CACNA2D3: variants seen among roughly 807,000 people sequenced by gnomAD.
The protein encoded by CACNA2D3 is calcium voltage-gated channel auxiliary subunit alpha2delta 3.
In CACNA2D3, 60 loss-of-function variants were observed where a neutral mutation model predicts 160.6. That is an observed-to-expected ratio of 0.37 (90% CI 0.30 to 0.46). CACNA2D3 has a LOEUF of 0.46. Ranked by LOEUF, CACNA2D3 falls within the 20% of genes least tolerant of loss-of-function variation. The probability of loss-of-function intolerance (pLI) is 1.00; values close to 1 mark genes in which losing one functional copy is unlikely to be tolerated. For missense variants in CACNA2D3, 1,205 were observed against 1,365.0 expected, an observed-to-expected ratio of 0.88 and a Z score of 1.85; for synonymous variants, 558 against 492.9, an observed-to-expected ratio of 1.13 and a Z score of -1.75.
intron 16 of CACNA2D3, among the ~76,000 whole-genome samples, chr3:54,844,005 A>G (rs143171359): frequency 5.3e-4 from 80 of 152,246 alleles, no homozygotes; most frequent in African/African-American, 1.8e-3. Context: ...GAAGGGGGAG[A>G]CTGAGGCCAG....
At chr3:54,339,200 G>A (rs1374320918) in intron 3 of CACNA2D3, among the ~76,000 whole-genome samples, 2 of 152,156 alleles carry the variant, frequency 1.3e-5, no homozygotes, top group Admixed American at 1.3e-4. Flanking sequence ...CAAGCTCTGT[G>A]AATGTGCCAA....
chr3:54,594,759 A>C (rs1015577391), intron 9 of CACNA2D3, among the ~76,000 whole-genome samples: 11 of 152,210 alleles, frequency 7.2e-5, no homozygotes, highest in Non-Finnish European at 1.3e-4. Context: ...TTCTTATTGG[A>C]TTCTCATGAT....
chr3:54,986,811 G>A (rs549395694), intron 30 of CACNA2D3, among the ~76,000 whole-genome samples: 2 of 132,572 alleles, frequency 1.5e-5, no homozygotes, highest in South Asian at 4.8e-4. Context: ...GTCAACACTG[G>A]CTCATTTCAG....
intron 35 of CACNA2D3, among the ~76,000 whole-genome samples, chr3:55,040,810 A>G (rs1349933813): frequency 6.6e-6 from 1 of 152,198 alleles, no homozygotes. Context: ...GTTATACAAA[A>G]TGTGCATGCA....
intron 10 of CACNA2D3, among the ~76,000 whole-genome samples, chr3:54,641,894 T>C (rs1699529174): frequency 6.6e-6 from 1 of 152,182 alleles, no homozygotes; most frequent in Non-Finnish European, 1.5e-5. Flanking sequence ...AACAGTAAGG[T>C]CTGTTCGGTT....
chr3:54,601,188 A>G (rs182103692), intron 9 of CACNA2D3, among the ~76,000 whole-genome samples: 1 of 152,122 alleles, frequency 6.6e-6, no homozygotes, highest in Non-Finnish European at 1.5e-5. Context: ...AAGAATCTTA[A>G]AGACAACATT....
chr3:54,332,943 G>A (rs761776228), intron 3 of CACNA2D3, among the ~76,000 whole-genome samples: 8 of 152,138 alleles, frequency 5.3e-5, no homozygotes, highest in Non-Finnish European at 1.2e-4. Context: ...TTGAAATCGG[G>A]AGTCCTGGCC....
intron 13 of CACNA2D3, among the ~76,000 whole-genome samples, chr3:54,792,560 T>G (rs1420734150): frequency 6.6e-6 from 1 of 152,094 alleles, no homozygotes; most frequent in African/African-American, 2.4e-5. Flanking sequence ...ATCTCTTGGC[T>G]CTGTTTTCCT....
intron 29 of CACNA2D3, among the ~76,000 whole-genome samples, chr3:54,979,273 G>A (rs1485140791): frequency 2.6e-5 from 4 of 152,114 alleles, no homozygotes; most frequent in African/African-American, 9.7e-5. Flanking sequence ...TTTTCAAGGG[G>A]CTCTTCTTGG....
chr3:54,449,454 T>C (rs1406544199), intron 4 of CACNA2D3, among the ~76,000 whole-genome samples: 1 of 152,252 alleles, frequency 6.6e-6, no homozygotes. Flanking sequence ...TGGTTTTCTT[T>C]ATATTAATTA....
chr3:54,638,376 T>A (rs1699425728), intron 10 of CACNA2D3: 1 of 152,000 alleles, frequency 6.6e-6, no homozygotes, highest in Non-Finnish European at 1.5e-5. Flanking sequence ...TCCAGCCACC[T>A]TTTTAAGAAT....
chr3:54,549,908 G>A (rs1702128976), intron 5 of CACNA2D3, among the ~76,000 whole-genome samples: 1 of 152,176 alleles, frequency 6.6e-6, no homozygotes, highest in Non-Finnish European at 1.5e-5. Context: ...AGGAAGGAAT[G>A]TTTAAATTTC....
At chr3:54,247,883 TACCATGCCTG>T (rs1702111852) in intron 2 of CACNA2D3, among the ~76,000 whole-genome samples, 1 of 151,832 alleles carries the variant, frequency 6.6e-6, no homozygotes, top group Non-Finnish European at 1.5e-5. Flanking sequence ...CCATGCCTAG[TACCATGCCTG>T]GTGCATAGTG....
chr3:54,341,298 C>T (rs1248498709), intron 3 of CACNA2D3, among the ~76,000 whole-genome samples: 1 of 152,216 alleles, frequency 6.6e-6, no homozygotes, highest in Non-Finnish European at 1.5e-5. Context: ...CTACCAGTGG[C>T]TGATCAGTCA....
chr3:54,383,819 T>C (rs1699144771), intron 3 of CACNA2D3, among the ~76,000 whole-genome samples: 1 of 152,242 alleles, frequency 6.6e-6, no homozygotes, highest in Non-Finnish European at 1.5e-5. Context: ...CTGCTCTTAG[T>C]AGTTAATACA....
chr3:54,670,081 C>G (rs1318860951), intron 11 of CACNA2D3, among the ~76,000 whole-genome samples: 2 of 152,172 alleles, frequency 1.3e-5, no homozygotes, highest in East Asian at 1.9e-4. Context: ...TGCTCTCCCC[C>G]ACAGGAAGCT....
chr3:54,708,523 T>G (rs1178832205), intron 11 of CACNA2D3, among the ~76,000 whole-genome samples: 2 of 152,202 alleles, frequency 1.3e-5, no homozygotes, highest in Non-Finnish European at 2.9e-5. Flanking sequence ...ATTGGTTGTT[T>G]ATAATAGGTA....
At chr3:54,867,287 C>T (rs1165107969) in intron 17 of CACNA2D3, among the ~76,000 whole-genome samples, 4 of 151,680 alleles carry the variant, frequency 2.6e-5, no homozygotes, top group Admixed American at 6.6e-5. Context: ...GGGTGAGGGG[C>T]GAGGGGGAGT....
intron 2 of CACNA2D3, among the ~76,000 whole-genome samples, chr3:54,257,415 C>T (rs1702317351): frequency 6.6e-6 from 1 of 152,184 alleles, no homozygotes; most frequent in African/African-American, 2.4e-5. Context: ...TTGGTTGCTG[C>T]ATGTAGCGTG....
Sources: allele counts gnomAD v4.1 joint callset (sites outside exome capture counted in the v4.1 genomes callset), GRCh38; gene constraint gnomAD v4.1.1; transcripts MANE v1.5; gene names NCBI Gene and HGNC (gene_info 2026-07-23, HGNC 2026-07-21).